The following TXN2 variants were observed in gnomAD, a reference collection of about 807,000 sequenced individuals.
TXN2 encodes the protein thioredoxin, mitochondrial.
In TXN2, 12 loss-of-function variants were observed where a neutral mutation model predicts 14.6. The ratio of observed to expected loss-of-function variants is 0.82; its 90% CI spans 0.53 to 1.33. The LOEUF (loss-of-function observed/expected upper bound fraction) is 1.33, where lower values mean the gene tolerates loss of function less well. Among genes scored for constraint, TXN2 ranks in the 40% most tolerant of loss-of-function variants. The pLI is 0.00. For synonymous variants in TXN2, 89 were observed against 81.0 expected (o/e 1.10, Z -0.53); for missense variants, 173 against 207.7 (o/e 0.83, Z 1.03).
chr22:36,469,982 A>T (rs899073312), intron 3 of TXN2, among the ~76,000 whole-genome samples: 7 of 152,190 alleles, frequency 4.6e-5, no homozygotes, highest in African/African-American at 1.7e-4. Flanking sequence ...AAATAAAAAT[A>T]AACAGAACAA....
chr22:36,480,884 G>A (rs1300422555), intron 1 of TXN2, 47 bp from the exon 2 acceptor site: 2 of 1,509,808 alleles, frequency 1.3e-6, no homozygotes, highest in East Asian at 2.3e-5. Context: ...AAAGGAAGTC[G>A]ACACACTAGA....
At chr22:36,476,887 A>T (rs1490918524) in intron 2 of TXN2, 31 bp from the exon 3 acceptor site, 1 of 1,613,758 alleles carries the variant, frequency 6.2e-7, no homozygotes, top group East Asian at 2.2e-5. Context: ...GCATCCAGTC[A>T]GTCAAAAGAG....
chr22:36,470,169 G>T (rs960469243), intron 3 of TXN2, among the ~76,000 whole-genome samples: 1 of 152,120 alleles, frequency 6.6e-6, no homozygotes. Context: ...AGGCACGCAG[G>T]CCAGACCATC....
intron 2 of TXN2, among the ~76,000 whole-genome samples, chr22:36,477,533 AAG>A (rs1157521478): frequency 6.6e-6 from 1 of 152,216 alleles, no homozygotes; most frequent in African/African-American, 2.4e-5. Flanking sequence ...TCATCTGAAA[AAG>A]AGAGATTATG....
At chr22:36,474,205 C>T (rs1275372521) in intron 3 of TXN2, among the ~76,000 whole-genome samples, 1 of 152,138 alleles carries the variant, frequency 6.6e-6, no homozygotes, top group Non-Finnish European at 1.5e-5. Context: ...CTCACCCCTC[C>T]CCCAGCCCCT....
Position 36,467,788 on chromosome 22 carries a change from G to A in TXN2, c.*16C>T, listed in dbSNP as rs753017786. ...GGTCCCACGCGGGCAAGGGAACCAG[G>A]ACTCATCCCTGCTTGTCAGCCAATC... On this transcript the variant is annotated 3_prime_UTR_variant, in exon 4 of 4. Coordinates refer to ENST00000216185, the MANE Select transcript of TXN2 (RefSeq NM_012473.4). The A allele has an allele frequency of 1.2e-6, 2 of 1,604,740 alleles. No homozygotes were observed. The highest frequency in any genetic ancestry group is 2.2e-5 in the South Asian group (2 of 90,854).
intron 3 of TXN2, among the ~76,000 whole-genome samples, chr22:36,469,419 T>C (rs1049623120): frequency 2.0e-5 from 3 of 152,152 alleles, no homozygotes; most frequent in Non-Finnish European, 2.9e-5. Flanking sequence ...ACTCAGGGAC[T>C]TCTACTGGAC....
At chr22:36,469,078 A>G (rs1325629050) in intron 3 of TXN2, among the ~76,000 whole-genome samples, 1 of 150,878 alleles carries the variant, frequency 6.6e-6, no homozygotes, top group Non-Finnish European at 1.5e-5. Flanking sequence ...AAATACATAA[A>G]TAAAGCAGAG....
At chr22:36,468,887 C>T (rs1933214348) in intron 3 of TXN2, among the ~76,000 whole-genome samples, 1 of 151,828 alleles carries the variant, frequency 6.6e-6, no homozygotes, top group African/African-American at 2.4e-5. Context: ...ACTGAAAATA[C>T]AAAAATTAGT....
At chr22:36,474,080 A>C (rs1164961353) in intron 3 of TXN2, among the ~76,000 whole-genome samples, 2 of 152,216 alleles carry the variant, frequency 1.3e-5, no homozygotes, top group African/African-American at 2.4e-5. Flanking sequence ...TAGGAGCCCC[A>C]GCCCGGGCTC....
chr22:36,475,487 A>C (rs1002258135), intron 3 of TXN2, among the ~76,000 whole-genome samples: 1 of 152,252 alleles, frequency 6.6e-6, no homozygotes, highest in Admixed American at 6.5e-5. Flanking sequence ...ACTATAGTTC[A>C]CAGGCCCAAT....
rs186416909 is a variant in TXN2, at chr22:36,477,562, G to A, written c.264-706C>T. Among the ~76,000 whole-genome samples the A allele has an allele frequency of 2.1e-4, 32 of 152,294 alleles. No homozygotes were observed. In the East Asian group the frequency reaches 6.0e-3, roughly 28 times the overall value. On this transcript the variant is annotated intron_variant, in intron 2 of 3. Transcript: ENST00000216185. ...GAGATTATGGCTCTCAAAGCTATTA[G>A]GAGAGATCAACTAAGGCAATGTGGG...
intron 3 of TXN2, among the ~76,000 whole-genome samples, chr22:36,471,602 T>C (rs1271268733): frequency 6.6e-6 from 1 of 152,120 alleles, no homozygotes. Context: ...TATCTCACAC[T>C]CTCCTGGCTG....
chr22:36,480,481 G>A (rs1208044808), intron 2 of TXN2, 94 bp downstream of exon 2: 22 of 1,503,890 alleles, frequency 1.5e-5, no homozygotes, highest in Non-Finnish European at 1.9e-5. Flanking sequence ...GTCTACATAT[G>A]AGCAGCATAG....
In TXN2 at chr22:36,469,726, C is replaced by A. The variant is rs142864378; in HGVS notation, c.388-1809G>T. 6.6e-5 allele frequency among the ~76,000 whole-genome samples: 10 copies of A among 152,248 alleles called. No homozygotes were observed. In the East Asian group the frequency reaches 1.9e-3, roughly 29 times the overall value. On this transcript the variant is annotated intron_variant, in intron 3 of 3. Coordinates refer to ENST00000216185, the MANE Select transcript of TXN2 (RefSeq NM_012473.4). ...ATCCTAGCATTTTGGGAAGCCAAAG[C>A]GGGCAGATCACTTGAGGTCAGGAGT...
chr22:36,475,272 G>A (rs1478085423), intron 3 of TXN2, among the ~76,000 whole-genome samples: 2 of 152,284 alleles, frequency 1.3e-5, no homozygotes, highest in Non-Finnish European at 1.5e-5. Context: ...CAGCTACTCC[G>A]GAGGCTGGGA....
chr22:36,478,132 CAAAAAAAAA>C (rs778032940), intron 2 of TXN2, among the ~76,000 whole-genome samples: 1 of 67,700 alleles, frequency 1.5e-5, no homozygotes, highest in Admixed American at 1.8e-4. Flanking sequence ...GACTCTGTCT[CAAAAAAAAA>C]AAAAAAAAAA....
intron 3 of TXN2, 35 bp from the exon 4 acceptor site, chr22:36,467,952 G>C: frequency 6.4e-7 from 1 of 1,570,370 alleles, no homozygotes; most frequent in Non-Finnish European, 8.8e-7. Flanking sequence ...CAAGTGAATT[G>C]GGAGTGAATA....
In TXN2 at chr22:36,480,610, G is replaced by A. The variant is rs1933479441; in HGVS notation, c.228C>T (p.Asn76=). 14 of 1,613,968 alleles carry A rather than the reference G, an allele frequency of 8.7e-6. No individual in the cohort carries two copies. Among genetic ancestry groups the A allele is most frequent in the Non-Finnish European group, 1.2e-5 (14 of 1,180,032 alleles). The change falls in exon 2 of 4, where the codon AAC becomes AAT. Residue 76 remains asparagine (N), a synonymous_variant. Transcript: ENST00000216185. The part of the protein sequence containing the change: ...DGPDFQDRVV[N]SETPVVVDFH... ...AATCCACAACCACTGGTGTCTCACT[G>A]TTGACCACTCGGTCTTGAAAGTCAG...
Sources: allele counts gnomAD v4.1 joint callset (sites outside exome capture counted in the v4.1 genomes callset), GRCh38; gene constraint gnomAD v4.1.1; transcripts MANE v1.5; gene names NCBI Gene and HGNC (gene_info 2026-07-23, HGNC 2026-07-21).